The following SHROOM2 variants were observed in gnomAD, a reference collection of about 807,000 sequenced individuals.
The protein encoded by SHROOM2 is protein Shroom2.
In SHROOM2, 33 loss-of-function variants were observed where a neutral mutation model predicts 75.9. That is an observed-to-expected ratio of 0.43 (90% CI 0.33 to 0.58). The LOEUF is 0.58. SHROOM2 is among the 20% of genes least tolerant of loss of function. The pLI is 0.04. For synonymous variants in SHROOM2, 655 were observed against 663.6 expected (o/e 0.99, Z 0.20); for missense variants, 1,434 against 1,461.2 (o/e 0.98, Z 0.30).
intron 1 of SHROOM2, among the ~76,000 whole-genome samples, chrX:9,860,556 T>A (rs887297042): frequency 9.0e-6 from 1 of 111,516 alleles, no homozygotes; most frequent in Non-Finnish European, 1.9e-5. Context: ...CCTGAGTAGC[T>A]GGGATTATAG....
At chrX:9,891,754 ATGTGTCTGTTCG>A (rs200521268) in intron 3 of SHROOM2, among the ~76,000 whole-genome samples, 1,209 of 109,632 alleles carry the variant, frequency 0.011, 21 homozygotes, top group East Asian at 0.092. Flanking sequence ...ATGAGTGTTC[ATGTGTCTGTTCG>A]TGTGTGCCTG....
At chrX:9,900,811 C>A (rs1251363056) in intron 5 of SHROOM2, among the ~76,000 whole-genome samples, 1 of 111,023 alleles carries the variant, frequency 9.0e-6, no homozygotes. Flanking sequence ...TTGCTTCCCT[C>A]CAGCTCTTCT....
In SHROOM2 at chrX:9,896,650, C is replaced by T. The variant is rs139914920; in HGVS notation, c.2742C>T (p.His914=). The change falls in exon 4 of 10, where the codon CAC becomes CAT. Residue 914 remains histidine, a synonymous_variant. Coordinates refer to ENST00000380913, the MANE Select transcript of SHROOM2 (RefSeq NM_001649.4). Reference sequence around the variant, plus strand: ...TGGACCCACAGGAGAGGCCGCAGCACGTTCATGGGAGGTCCCGGTCTTCAC... The same window carrying T: ...TGGACCCACAGGAGAGGCCGCAGCATGTTCATGGGAGGTCCCGGTCTTCAC... The part of the protein sequence containing the change: ...VSLDPQERPQ[H]VHGRSRSSPS... 53 of 1,202,360 alleles carry T rather than the reference C, an allele frequency of 4.4e-5. No homozygotes were observed. The South Asian group carries it at 7.8e-4, about 18-fold the overall frequency.
intron 2 of SHROOM2, among the ~76,000 whole-genome samples, chrX:9,884,368 C>CTTCTTTTTT (rs1372366663): frequency 1.4e-4 from 9 of 62,284 alleles, no homozygotes; most frequent in African/African-American, 4.0e-4. Context: ...TTTTTCTTTT[C>CTTCTTTTTT]TTTTTTTTTT....
At chrX:9,904,183 T>C (rs2084379359) in intron 5 of SHROOM2, among the ~76,000 whole-genome samples, 2 of 110,970 alleles carry the variant, frequency 1.8e-5, no homozygotes, top group South Asian at 7.6e-4. Context: ...CTCAGGCATC[T>C]CAGTTCTAGA....
chrX:9,827,759 G>A (rs185872643), intron 1 of SHROOM2, among the ~76,000 whole-genome samples: 10 of 110,782 alleles, frequency 9.0e-5, no homozygotes, highest in African/African-American at 3.3e-4. Flanking sequence ...GTGTGGGGAG[G>A]TGGAGCAAGG....
At chrX:9,831,599 G>A (rs748686395) in intron 1 of SHROOM2, among the ~76,000 whole-genome samples, 95 of 112,323 alleles carry the variant, frequency 8.5e-4, no homozygotes, top group Non-Finnish European at 1.5e-3. Flanking sequence ...CGGAGGTTAC[G>A]GTGAGCTGAG....
intron 2 of SHROOM2, among the ~76,000 whole-genome samples, chrX:9,877,115 C>G (rs1004301614): frequency 8.9e-6 from 1 of 111,965 alleles, no homozygotes; most frequent in Non-Finnish European, 1.9e-5. Flanking sequence ...CGATGGGCCA[C>G]TTTCACAAAG....
chrX:9,922,430 T>G (rs1335519682), intron 5 of SHROOM2, among the ~76,000 whole-genome samples: 2 of 110,686 alleles, frequency 1.8e-5, no homozygotes, highest in Non-Finnish European at 3.8e-5. Flanking sequence ...CTCTTTCCAA[T>G]GAAACCCTGC....
Position 9,937,463 on chromosome X carries a change from C to T in SHROOM2, c.3917C>T (p.Ala1306Val), listed in dbSNP as rs751635378. The T allele has an allele frequency of 9.1e-6, 11 of 1,209,216 alleles. No individual in the cohort carries two copies. The Admixed American group carries it at 2.2e-4, about 24-fold the overall frequency. The change falls in exon 7 of 10, where the codon GCC (alanine) becomes GTC (valine). Residue 1306 changes from alanine (A) to valine (V), a missense_variant. By Grantham distance (64) the Ala-to-Val change is moderately conservative (BLOSUM62 0). Around this residue, in one of 3 missense-constraint regions of SHROOM2, gnomAD observed 1,340 missense variants for 1,338.3 expected, o/e 1.00. Transcript: ENST00000380913. ...CCTCCAGGGCTCAGCTACATGAAGG[C>T]CAAAGAGAAGACTGTGGAAGACCTG... ...TSPPGLSYMK[A>V]KEKTVEDLKS...
chrX:9,840,258 C>T (rs2083972635), intron 1 of SHROOM2, among the ~76,000 whole-genome samples: 1 of 112,073 alleles, frequency 8.9e-6, no homozygotes, highest in Admixed American at 9.5e-5. Context: ...AAATTTTAAC[C>T]TTGGAGTTAA....
intron 1 of SHROOM2, among the ~76,000 whole-genome samples, chrX:9,872,300 C>G (rs2084175004): frequency 8.8e-6 from 1 of 113,046 alleles, no homozygotes. Flanking sequence ...CACGGTGGCT[C>G]ACGCCTCTAA....
At chrX:9,879,818 G>A (rs2084221754) in intron 2 of SHROOM2, among the ~76,000 whole-genome samples, 1 of 112,095 alleles carries the variant, frequency 8.9e-6, no homozygotes, top group Non-Finnish European at 1.9e-5. Flanking sequence ...GATCCACACT[G>A]TACAGGTTAA....
At chrX:9,869,009 T>TGGCAA (rs752472901) in intron 1 of SHROOM2, among the ~76,000 whole-genome samples, 18 of 111,863 alleles carry the variant, frequency 1.6e-4, no homozygotes, top group Admixed American at 6.6e-4. Flanking sequence ...CAGGCTGGAG[T>TGGCAA]GCAGTGGCAT....
intron 1 of SHROOM2, among the ~76,000 whole-genome samples, chrX:9,815,052 T>G (rs182813598): frequency 2.7e-4 from 30 of 111,710 alleles, no homozygotes; most frequent in African/African-American, 9.1e-4. Context: ...TCATTTTCTT[T>G]CATCACTTTG....
intron 6 of SHROOM2, among the ~76,000 whole-genome samples, chrX:9,933,301 T>G (rs1036610856): frequency 2.7e-5 from 3 of 111,395 alleles, no homozygotes; most frequent in African/African-American, 9.8e-5. Context: ...TCCAGTATTT[T>G]CTTACTCCTT....
At chrX:9,849,530 C>G (rs1212268980) in intron 1 of SHROOM2, among the ~76,000 whole-genome samples, 1 of 111,624 alleles carries the variant, frequency 9.0e-6, no homozygotes, top group East Asian at 2.8e-4. Context: ...AAAGTTTCCT[C>G]TCTGCTGAGT....
intron 1 of SHROOM2, among the ~76,000 whole-genome samples, chrX:9,840,550 T>C: frequency 8.9e-6 from 1 of 112,494 alleles, no homozygotes; most frequent in South Asian, 3.7e-4. Context: ...ATTACAGGCA[T>C]GAGCTACCTT....
rs140479341 is a variant in SHROOM2, at chrX:9,873,795, C to T, written c.309C>T (p.Val103=). ...GGTCCCATAAGACCCTGAAGCTGGT[C>T]GTCAAAAGGTAAGATCTGAGCTTCC... is the stretch of plus-strand genomic sequence containing the variant. ...VKGSHKTLKL[V]VKRRSELGWR... is the part of the protein sequence containing the mutation. The change falls in exon 2 of 10, where the codon GTC becomes GTT. Residue 103 remains valine, a synonymous_variant. Transcript: ENST00000380913. 49 of 1,208,460 alleles carry T rather than the reference C, an allele frequency of 4.1e-5. No homozygotes were observed. The highest frequency in any genetic ancestry group is 4.7e-5 in the Non-Finnish European group (42 of 894,717).
Sources: allele counts gnomAD v4.1 joint callset (sites outside exome capture counted in the v4.1 genomes callset), GRCh38; gene constraint gnomAD v4.1.1; regional missense constraint gnomAD v4.1.1; transcripts MANE v1.5; gene names NCBI Gene and HGNC (gene_info 2026-07-23, HGNC 2026-07-21).